Variants in HADHB observed in about 807,000 individuals in gnomAD.
HADHB encodes trifunctional enzyme subunit beta, mitochondrial.
Under a neutral mutation model 61.9 loss-of-function variants are expected in HADHB, and 50 were observed. The observed-to-expected ratio is 0.81, with a 90% CI of 0.64 to 1.02. The LOEUF is 1.02. Ranked by LOEUF, HADHB falls within the 50% of genes least tolerant of loss-of-function variation. The pLI is 0.00. For missense variants in HADHB, 504 were observed against 586.5 expected (o/e 0.86, Z 1.45); for synonymous variants, 191 against 201.6 (o/e 0.95, Z 0.45).
chr2:26,253,746 G>A (rs989505677), intron 1 of HADHB, among the ~76,000 whole-genome samples: 12 of 151,782 alleles, frequency 7.9e-5, no homozygotes, highest in Middle Eastern at 3.2e-3. Context: ...CCAGCTACTC[G>A]GGAGGCTGAG....
rs1673175178 is a variant in HADHB, at chr2:26,289,399, CTGTTACCTTAATAGCTT to C, written c.1390-515_1390-499del. 6.6e-6 allele frequency among the ~76,000 whole-genome samples: 1 copy of C among 151,910 alleles called. No homozygotes were observed. Among genetic ancestry groups the C allele is most frequent in the South Asian group, 2.1e-4 (1 of 4,834 alleles). On this transcript the variant is annotated intron_variant, in intron 15 of 15. Transcript: ENST00000317799. ...CTAGACCTGGTTTCAAATCCTGGCC[CTGTTACCTTAATAGCTT>C]TGTGATTTGGGTGAGTCACTTAACC...
At chr2:26,286,906 T>C (rs180778023) in intron 15 of HADHB, among the ~76,000 whole-genome samples, 1 of 151,690 alleles carries the variant, frequency 6.6e-6, no homozygotes, top group East Asian at 1.9e-4. Flanking sequence ...TGAATAAATA[T>C]TTAAAAGCAT....
chr2:26,281,376 C>T (rs1201880407), intron 10 of HADHB, among the ~76,000 whole-genome samples: 1 of 152,088 alleles, frequency 6.6e-6, no homozygotes, highest in Non-Finnish European at 1.5e-5. Context: ...TGGTAAATGA[C>T]TAATTAATGC....
chr2:26,261,221 C>CCA (rs967805055), intron 3 of HADHB: 7 of 475,572 alleles, frequency 1.5e-5, no homozygotes, highest in Non-Finnish European at 2.2e-5. Context: ...TACCCCCCCC[C>CCA]CATCCAGACA....
intron 8 of HADHB, 50 bp downstream of exon 8, chr2:26,278,851 T>C: frequency 6.8e-7 from 1 of 1,460,164 alleles, no homozygotes; most frequent in Middle Eastern, 1.7e-4. Flanking sequence ...TAGAATTAGG[T>C]ATGGCAGTGT....
At chr2:26,253,322 A>G (rs982154473) in intron 1 of HADHB, among the ~76,000 whole-genome samples, 6 of 152,202 alleles carry the variant, frequency 3.9e-5, no homozygotes, top group African/African-American at 7.2e-5. Context: ...CAGTACTACA[A>G]ACTTTTTTTA....
chr2:26,257,378 C>T (rs1184291343), intron 3 of HADHB, among the ~76,000 whole-genome samples: 1 of 151,610 alleles, frequency 6.6e-6, no homozygotes, highest in Non-Finnish European at 1.5e-5. Context: ...CCTCGGCCTC[C>T]CAAAGTGCTG....
chr2:26,287,883 G>T (rs1028790778), intron 15 of HADHB, among the ~76,000 whole-genome samples: 1 of 152,122 alleles, frequency 6.6e-6, no homozygotes, highest in African/African-American at 2.4e-5. Flanking sequence ...AGGTACACAC[G>T]GTTGGTATAA....
At chr2:26,283,503 G>A (rs1297596971) in intron 12 of HADHB, among the ~76,000 whole-genome samples, 2 of 152,108 alleles carry the variant, frequency 1.3e-5, no homozygotes, top group African/African-American at 4.8e-5. Context: ...CAGCCTGGGC[G>A]ACAGAGCGAG....
intron 4 of HADHB, among the ~76,000 whole-genome samples, 178 bp from the exon 5 acceptor site, chr2:26,269,775 T>C (rs1254856899): frequency 1.3e-5 from 2 of 152,206 alleles, no homozygotes; most frequent in Non-Finnish European, 2.9e-5. Flanking sequence ...CTTTTAAGGA[T>C]GACAAATAGC....
chr2:26,281,804 G>A (rs1298723456), intron 10 of HADHB, among the ~76,000 whole-genome samples: 2 of 152,184 alleles, frequency 1.3e-5, no homozygotes, highest in Non-Finnish European at 2.9e-5. Context: ...AGTCTCTTCA[G>A]GGTTGCCGAG....
intron 4 of HADHB, among the ~76,000 whole-genome samples, chr2:26,266,701 G>A (rs1275697018): frequency 2.6e-5 from 4 of 151,176 alleles, no homozygotes; most frequent in Admixed American, 6.6e-5. Flanking sequence ...CCAACATGGC[G>A]AGACCCTATC....
At chr2:26,270,525 A>G (rs1432753251) in intron 5 of HADHB, among the ~76,000 whole-genome samples, 1 of 151,380 alleles carries the variant, frequency 6.6e-6, no homozygotes, top group East Asian at 1.9e-4. Flanking sequence ...GAAACCCTTC[A>G]GTTGACCTTT....
In HADHB at chr2:26,254,308, C is replaced by T. The variant is rs753155991; in HGVS notation, c.54C>T (p.Ala18=). The change falls in exon 2 of 16, where the codon GCC becomes GCT. Residue 18 remains alanine, a synonymous_variant. Coordinates refer to ENST00000317799, the MANE Select transcript of HADHB (RefSeq NM_000183.3). The part of the protein sequence containing the change: ...FKNLPTASKW[A]LRFSIRPLSC... Reference sequence around the variant, plus strand: ...ATCTTCCCACTGCATCAAAATGGGCCCTCAGATTTTGTAAGTTTATTATTA... The same window carrying T: ...ATCTTCCCACTGCATCAAAATGGGCTCTCAGATTTTGTAAGTTTATTATTA... The T allele has an allele frequency of 3.9e-6, 6 of 1,547,100 alleles. No homozygotes were observed. In the South Asian group the frequency reaches 6.7e-5, roughly 17 times the overall value.
intron 1 of HADHB, among the ~76,000 whole-genome samples, chr2:26,246,355 T>TTC (rs1191956745): frequency 6.6e-6 from 1 of 151,918 alleles, no homozygotes; most frequent in Non-Finnish European, 1.5e-5. Context: ...AACTTTTTTT[T>TTC]TTTTTTGAGA....
chr2:26,282,251 C>CTTTTTTTTTT (rs67626722), intron 10 of HADHB, among the ~76,000 whole-genome samples: 1 of 106,866 alleles, frequency 9.4e-6, no homozygotes, highest in South Asian at 3.1e-4. Flanking sequence ...GCAGTTCTTT[C>CTTTTTTTTTT]TTTTTTTTTT....
In HADHB at chr2:26,286,669, AT is replaced by A. The variant is rs1250093514; in HGVS notation, c.1389+1106del. On this transcript the variant is annotated intron_variant, in intron 15 of 15. Transcript: ENST00000317799. ...AGGTGCTCACCACCAAGCCCGGGCA[AT>A]TTTTTTTGTATTTTTAGTAGAGACG... is the stretch of plus-strand genomic sequence containing the variant. Among the ~76,000 whole-genome samples, 10 of 150,780 alleles carry A rather than the reference AT, an allele frequency of 6.6e-5. No homozygotes were observed. In the East Asian group the frequency reaches 2.0e-3, roughly 30 times the overall value.
At chr2:26,258,709 C>T (rs533215472) in intron 3 of HADHB, among the ~76,000 whole-genome samples, 5 of 152,318 alleles carry the variant, frequency 3.3e-5, no homozygotes, top group Admixed American at 2.6e-4. Flanking sequence ...GAAAACAGAG[C>T]TGCTATACAA....
intron 4 of HADHB, among the ~76,000 whole-genome samples, chr2:26,265,817 T>C (rs1035922776): frequency 3.3e-5 from 5 of 152,028 alleles, no homozygotes; most frequent in Non-Finnish European, 5.9e-5. Flanking sequence ...AGAAAAACAT[T>C]GAGTAATGTA....
Sources: allele counts gnomAD v4.1 joint callset (sites outside exome capture counted in the v4.1 genomes callset), GRCh38; gene constraint gnomAD v4.1.1; transcripts MANE v1.5; gene names NCBI Gene and HGNC (gene_info 2026-07-23, HGNC 2026-07-21).